The following SCMH1 variants were observed in gnomAD, a reference collection of about 807,000 sequenced individuals.
The protein encoded by SCMH1 is polycomb protein SCMH1.
SCMH1 carries 37 observed loss-of-function variants against 70.8 expected under a neutral mutation model. The ratio of observed to expected loss-of-function variants is 0.52; its 90% CI spans 0.40 to 0.69. SCMH1 has a LOEUF of 0.69. Among genes scored for constraint, SCMH1 ranks in the 30% least tolerant of loss-of-function variants. The probability of loss-of-function intolerance (pLI) is 0.00; values close to 1 mark genes in which losing one functional copy is unlikely to be tolerated. For missense variants in SCMH1, 607 were observed against 827.3 expected (o/e 0.73, Z 3.27); for synonymous variants, 292 against 307.4 (o/e 0.95, Z 0.52).
intron 10 of SCMH1, among the ~76,000 whole-genome samples, chr1:41,066,990 T>G (rs1354845570): frequency 2.0e-5 from 3 of 152,082 alleles, no homozygotes; most frequent in South Asian, 4.1e-4. Context: ...TCCAAAGGAG[T>G]TGAAACCGTA....
chr1:41,185,986 T>C (rs1204645225), intron 2 of SCMH1, 135 bp downstream of exon 2: 2 of 873,490 alleles, frequency 2.3e-6, no homozygotes, highest in Non-Finnish European at 3.2e-6. Flanking sequence ...TTCATGCCAA[T>C]GACAAAAATG....
At chr1:41,164,854 T>C (rs1157334640) in intron 2 of SCMH1, among the ~76,000 whole-genome samples, 2 of 152,264 alleles carry the variant, frequency 1.3e-5, no homozygotes, top group East Asian at 3.9e-4. Context: ...GCAATTAGTA[T>C]ATCCATTACT....
At chr1:41,115,531 G>C (rs11209556) in intron 7 of SCMH1, among the ~76,000 whole-genome samples, 11,884 of 152,168 alleles carry the variant, frequency 0.078, 600 homozygotes, top group South Asian at 0.13. Flanking sequence ...TCAATCTCCT[G>C]GGCTTAAGCG....
chr1:41,155,668 T>C (rs1194675279), intron 4 of SCMH1, among the ~76,000 whole-genome samples: 1 of 152,020 alleles, frequency 6.6e-6, no homozygotes, highest in African/African-American at 2.4e-5. Context: ...AAAAAAGACA[T>C]CTTGATAAGG....
chr1:41,030,791 A>G (rs994656255), intron 13 of SCMH1, among the ~76,000 whole-genome samples: 1 of 152,230 alleles, frequency 6.6e-6, no homozygotes, highest in African/African-American at 2.4e-5. Context: ...TTGCTGACAC[A>G]TAAAAGAGTG....
chr1:41,184,511 A>C (rs1649654039), intron 2 of SCMH1, among the ~76,000 whole-genome samples: 2 of 152,188 alleles, frequency 1.3e-5, no homozygotes, highest in South Asian at 4.1e-4. Flanking sequence ...TATTCTAGGC[A>C]CTGGAGATAT....
At position 41,036,247 on chromosome 1, in the gene SCMH1, T is replaced by G. The variant is rs575645033; in HGVS notation, c.1678+1115A>C. 5.9e-5 allele frequency among the ~76,000 whole-genome samples: 9 copies of G among 152,354 alleles called. No homozygotes were observed. In the South Asian group the frequency reaches 1.9e-3, roughly 32 times the overall value. ...TCAGCCCAGCACTCTTCCCTGAGGA[T>G]TGGATCTGCATAGCCACTGCCTGTT... On this transcript the variant is annotated intron_variant, in intron 13 of 14. Coordinates refer to ENST00000337495, the Ensembl canonical transcript of SCMH1.
At chr1:41,151,802 A>AT (rs1438489244) in intron 4 of SCMH1, 118 bp from the exon 5 acceptor site, 1 of 589,512 alleles carries the variant, frequency 1.7e-6, no homozygotes, top group Non-Finnish European at 2.9e-6. Context: ...AAAAAATATA[A>AT]TTTTTTTCCT....
At chr1:41,142,574 T>C (rs1048248083) in intron 6 of SCMH1, among the ~76,000 whole-genome samples, 3 of 152,148 alleles carry the variant, frequency 2.0e-5, no homozygotes, top group Non-Finnish European at 4.4e-5. Context: ...CTTTTTGAGA[T>C]AGGTTAAACG....
intron 10 of SCMH1, among the ~76,000 whole-genome samples, chr1:41,052,458 C>CCACT (rs1004298001): frequency 2.0e-5 from 3 of 152,330 alleles, no homozygotes; most frequent in Admixed American, 6.5e-5. Flanking sequence ...ATCCCCCATG[C>CCACT]CACTGGTCCA....
At chr1:41,117,005 G>C in exon 7 of SCMH1, 1 of 1,603,556 alleles carries the variant, frequency 6.2e-7, no homozygotes, top group Non-Finnish European at 8.5e-7. Flanking sequence ...GCATTCAGCC[G>C]AAATCCTGCA....
At chr1:41,045,105 G>A (rs1341031273) in intron 12 of SCMH1, among the ~76,000 whole-genome samples, 2 of 152,138 alleles carry the variant, frequency 1.3e-5, no homozygotes, top group South Asian at 2.1e-4. Context: ...CTAACTGGAG[G>A]TATTTAAAAC....
chr1:41,068,528 C>T (rs1231548685), intron 10 of SCMH1, among the ~76,000 whole-genome samples: 5 of 152,140 alleles, frequency 3.3e-5, no homozygotes, highest in African/African-American at 1.2e-4. Flanking sequence ...GCCACAGCCT[C>T]CTGAGTAGCT....
chr1:41,037,056 TG>T (rs1181991662), intron 13 of SCMH1, among the ~76,000 whole-genome samples: 1 of 149,000 alleles, frequency 6.7e-6, no homozygotes, highest in Non-Finnish European at 1.5e-5. Flanking sequence ...GACTGATTTT[TG>T]CTTCCCCATG....
intron 6 of SCMH1, 72 bp downstream of exon 6, chr1:41,142,806 T>C: frequency 7.6e-7 from 1 of 1,316,612 alleles, no homozygotes; most frequent in Non-Finnish European, 1.1e-6. Flanking sequence ...GGCTTTCCCA[T>C]AATAGGATGT....
intron 1 of SCMH1, among the ~76,000 whole-genome samples, chr1:41,215,031 C>T (rs756486392): frequency 1.2e-4 from 18 of 152,086 alleles, no homozygotes; most frequent in Non-Finnish European, 1.5e-4. Context: ...GGAACAACTC[C>T]ATGTGTATGT....
At chr1:41,211,682 T>C (rs989232243) in intron 1 of SCMH1, among the ~76,000 whole-genome samples, 3 of 152,134 alleles carry the variant, frequency 2.0e-5, no homozygotes, top group Non-Finnish European at 4.4e-5. Flanking sequence ...ACCCAAAGGA[T>C]TATAAATCAT....
At chr1:41,148,642 A>G (rs1644799623) in intron 5 of SCMH1, among the ~76,000 whole-genome samples, 1 of 152,104 alleles carries the variant, frequency 6.6e-6, no homozygotes, top group Non-Finnish European at 1.5e-5. Flanking sequence ...TCCTATATAT[A>G]AAGTGTCTTT....
intron 1 of SCMH1, among the ~76,000 whole-genome samples, chr1:41,229,614 T>G (rs528435438): frequency 1.3e-5 from 2 of 152,076 alleles, no homozygotes; most frequent in South Asian, 4.2e-4. Context: ...GGGGGAGGGA[T>G]AGCATTAGGA....
Sources: gnomAD v4.1 joint callset for allele counts (sites outside exome capture counted in the v4.1 genomes callset) on GRCh38, gnomAD v4.1.1 for gene constraint, MANE v1.5 for transcripts, NCBI Gene and HGNC (gene_info 2026-07-23, HGNC 2026-07-21) for gene names.